The following SMARCA2 variants were observed in gnomAD, a reference collection of about 807,000 sequenced individuals.
The protein encoded by SMARCA2 is SWI/SNF-related matrix-associated actin-dependent regulator of chromatin subfamily A member 2.
SMARCA2 carries 61 observed loss-of-function variants against 199.8 expected under a neutral mutation model. That is an observed-to-expected ratio of 0.31 (90% CI 0.25 to 0.38). The LOEUF is 0.38. Ranked by LOEUF, SMARCA2 falls within the 10% of genes least tolerant of loss-of-function variation. The probability of loss-of-function intolerance (pLI) is 1.00; values close to 1 mark genes in which losing one functional copy is unlikely to be tolerated. For missense variants in SMARCA2, 1,344 were observed against 2,012.2 expected, an observed-to-expected ratio of 0.67 and a Z score of 6.35; for synonymous variants, 935 against 732.0, an observed-to-expected ratio of 1.28 and a Z score of -4.48.
Position 2,017,004 on chromosome 9 carries a change from G to A in SMARCA2, c.-37+1600G>A, listed in dbSNP as rs1312208085. Reference sequence around the variant, plus strand: ...GCCCCGCACCAGGCCTCGCAGCCTGGGTGCAGTTACACGGCGGAGGGCGGG... The same window carrying A: ...GCCCCGCACCAGGCCTCGCAGCCTGAGTGCAGTTACACGGCGGAGGGCGGG... On this transcript the variant is annotated intron_variant, in intron 1 of 33. Transcript: ENST00000349721. The surrounding 1 kb of genome is among the most constrained non-coding windows in gnomAD (Gnocchi z 8.8). The A allele has an allele frequency of 6.6e-6, 1 of 152,072 alleles. No individual in the cohort carries two copies. Among genetic ancestry groups the A allele is most frequent in the Non-Finnish European group, 1.5e-5 (1 of 68,008 alleles). The allele number at this position is 152,072 out of a possible 1,614,324, so 9.4% of individuals were successfully genotyped here. A position where few individuals can be genotyped will look rare whatever the true frequency, so the allele number is the denominator to read the frequency against.
At chr9:2,175,601 G>A (rs1826527113) in intron 29 of SMARCA2, among the ~76,000 whole-genome samples, 1 of 152,050 alleles carries the variant, frequency 6.6e-6, no homozygotes. Context: ...AATTTCTTTG[G>A]AAAAATAAAA....
At chr9:2,155,480 A>G (rs1825306751) in intron 27 of SMARCA2, among the ~76,000 whole-genome samples, 1 of 151,928 alleles carries the variant, frequency 6.6e-6, no homozygotes, top group South Asian at 2.1e-4. Flanking sequence ...ATGGTGTTTC[A>G]CCATATTGGC....
At chr9:2,159,200 T>A (rs532045071) in intron 27 of SMARCA2, among the ~76,000 whole-genome samples, 3 of 152,182 alleles carry the variant, frequency 2.0e-5, no homozygotes, top group Admixed American at 6.5e-5. Context: ...AGTAGAAATA[T>A]CCTTTTTACA....
intron 5 of SMARCA2, among the ~76,000 whole-genome samples, chr9:2,049,119 G>A (rs940053622): frequency 6.6e-6 from 1 of 151,870 alleles, no homozygotes; most frequent in Admixed American, 6.6e-5. Flanking sequence ...TAAACTATGT[G>A]AACTACCCTT....
At chr9:2,069,948 C>G (rs562423940) in intron 9 of SMARCA2, among the ~76,000 whole-genome samples, 21 of 152,300 alleles carry the variant, frequency 1.4e-4, no homozygotes, top group African/African-American at 3.4e-4. Flanking sequence ...TCCTTCCCCC[C>G]CAGTAGTCCC....
At chr9:2,191,026 C>T (rs566632960) in intron 32 of SMARCA2, among the ~76,000 whole-genome samples, 5 of 152,268 alleles carry the variant, frequency 3.3e-5, no homozygotes, top group African/African-American at 1.2e-4. Flanking sequence ...TCCATGAGAC[C>T]TCGGTCCCTC....
rs760155694 is a variant in SMARCA2, at chr9:2,060,809, T to G, written c.1522-7T>G. On this transcript the variant is annotated splice_polypyrimidine_tract_variant and splice_region_variant and intron_variant, in intron 8 of 33. Transcript: ENST00000349721. Reference sequence around the variant, plus strand: ...ATGCTCTCATCCTGCTCTTCTTTCCTTAATAGGCTGAAGATGAGGAGGGTT... The same window carrying G: ...ATGCTCTCATCCTGCTCTTCTTTCCGTAATAGGCTGAAGATGAGGAGGGTT... 6.2e-7 allele frequency: 1 copy of G among 1,613,110 alleles called. No homozygotes were observed. Among genetic ancestry groups the G allele is most frequent in the South Asian group, 1.1e-5 (1 of 90,920 alleles).
chr9:2,125,914 C>T (rs2130633938), intron 27 of SMARCA2, among the ~76,000 whole-genome samples: 1 of 152,306 alleles, frequency 6.6e-6, no homozygotes, highest in Middle Eastern at 3.4e-3. Flanking sequence ...TTGGGAATTG[C>T]CCTGAAGAAA....
At chr9:2,109,580 G>C (rs1213284943) in intron 23 of SMARCA2, among the ~76,000 whole-genome samples, 2 of 152,040 alleles carry the variant, frequency 1.3e-5, no homozygotes, top group African/African-American at 4.8e-5. Flanking sequence ...AGCATGCTTT[G>C]AACTCAACAG....
chr9:2,084,036 G>A, intron 16 of SMARCA2, 50 bp from the exon 17 acceptor site: 9 of 960,470 alleles, frequency 9.4e-6, no homozygotes, highest in Non-Finnish European at 1.5e-5. Flanking sequence ...GAGAAATAAT[G>A]CACATATATG....
intron 21 of SMARCA2, among the ~76,000 whole-genome samples, chr9:2,100,761 C>A (rs184084671): frequency 1.3e-5 from 2 of 151,554 alleles, no homozygotes; most frequent in East Asian, 3.9e-4. Context: ...TATATAATCA[C>A]AATTATTTTT....
chr9:2,032,882 GTC>G, intron 2 of SMARCA2, 68 bp from the exon 3 acceptor site: 1 of 1,426,714 alleles, frequency 7.0e-7, no homozygotes, highest in Non-Finnish European at 9.7e-7. Context: ...TTAGGAAGGG[GTC>G]TGAAAACTCC....
At chr9:2,060,151 TC>T (rs1820523953) in intron 8 of SMARCA2, among the ~76,000 whole-genome samples, 1 of 79,480 alleles carries the variant, frequency 1.3e-5, no homozygotes, top group Admixed American at 1.3e-4. Flanking sequence ...AAAAAAAAAA[TC>T]CCCCAAATTT....
chr9:2,166,149 C>A (rs114668446), intron 28 of SMARCA2, among the ~76,000 whole-genome samples: 1 of 152,224 alleles, frequency 6.6e-6, no homozygotes, highest in African/African-American at 2.4e-5. Flanking sequence ...AGCATATCTA[C>A]CTCAGGACAT....
intron 9 of SMARCA2, among the ~76,000 whole-genome samples, chr9:2,064,804 G>A (rs912411862): frequency 6.6e-6 from 1 of 152,176 alleles, no homozygotes; most frequent in African/African-American, 2.4e-5. Context: ...GCGATTATGA[G>A]GCATCTCTCA....
At chr9:2,124,829 C>G (rs1397958193) in intron 27 of SMARCA2, among the ~76,000 whole-genome samples, 1 of 152,304 alleles carries the variant, frequency 6.6e-6, no homozygotes, top group Admixed American at 6.5e-5. Context: ...AGGGTTAGCT[C>G]TACTTCCCAT....
At chr9:2,117,025 A>G (rs921762895) in intron 25 of SMARCA2, among the ~76,000 whole-genome samples, 4 of 152,244 alleles carry the variant, frequency 2.6e-5, no homozygotes, top group Non-Finnish European at 5.9e-5. Context: ...AATACTCCTC[A>G]ACTTACAATG....
At position 2,138,186 on chromosome 9, in the gene SMARCA2, A is replaced by AC. The variant is rs902464287; in HGVS notation, c.3981+14249_3981+14250insC. Among the ~76,000 whole-genome samples, 248 of 78,428 alleles carry AC rather than the reference A, an allele frequency of 3.2e-3. 1 individual carries two copies. The highest frequency in any genetic ancestry group is 5.6e-3 in the African/African-American group (25 of 4,446). The allele number at this position is 78,428 out of a possible 152,430, so 51.5% of individuals were successfully genotyped here. A position where few individuals can be genotyped will look rare whatever the true frequency, so the allele number is the denominator to read the frequency against. The stretch of plus-strand genomic sequence containing the variant: ...TCAGCAAAAAACAACAACAACAACA[A>AC]AAAAAAAACAGATAAATACATCTAA... On this transcript the variant is annotated intron_variant, in intron 27 of 33. Transcript: ENST00000349721.
intron 19 of SMARCA2, among the ~76,000 whole-genome samples, chr9:2,089,900 T>A (rs1337184330): frequency 1.3e-5 from 2 of 152,070 alleles, no homozygotes; most frequent in African/African-American, 4.8e-5. Flanking sequence ...CATAATTTCT[T>A]TTTTTTTCTT....
Sources: gnomAD v4.1 joint callset for allele counts (sites outside exome capture counted in the v4.1 genomes callset) on GRCh38, gnomAD v4.1.1 for gene constraint, Gnocchi (gnomAD v3.1) non-coding constraint, MANE v1.5 for transcripts, NCBI Gene and HGNC (gene_info 2026-07-23, HGNC 2026-07-21) for gene names.